DCUN1D4: variants seen among roughly 807,000 people sequenced by gnomAD.
The protein encoded by DCUN1D4 is defective in cullin neddylation 1 domain containing 4, also known as DCN1-like protein 4.
A neutral mutation model predicts 47.9 loss-of-function variants in DCUN1D4; 22 were observed. The ratio of observed to expected loss-of-function variants is 0.46; its 90% CI spans 0.33 to 0.66. DCUN1D4 has a LOEUF of 0.66. Ranked by LOEUF, DCUN1D4 falls within the 30% of genes least tolerant of loss-of-function variation. The pLI is 0.02. For synonymous variants in DCUN1D4, 121 were observed against 112.2 expected, an observed-to-expected ratio of 1.08 and a Z score of -0.50; for missense variants, 301 against 340.8, an observed-to-expected ratio of 0.88 and a Z score of 0.92.
intron 5 of DCUN1D4, among the ~76,000 whole-genome samples, chr4:51,881,619 T>C (rs570370290): frequency 6.7e-6 from 1 of 149,232 alleles, no homozygotes. Context: ...CAGTATCTTG[T>C]CACCTAGGGC....
Position 51,847,576 on chromosome 4 carries a change from C to T in DCUN1D4, c.25+4309C>T, listed in dbSNP as rs115092237. ...GCCATGGCCTTATGTCTGAGACAGC[C>T]TTTCTTACAGTGTTATAATAACCAG... On this transcript the variant is annotated intron_variant, in intron 1 of 10. Coordinates refer to ENST00000334635, the MANE Select transcript of DCUN1D4 (RefSeq NM_001040402.3). Among the ~76,000 whole-genome samples, 590 of 152,018 alleles carry T rather than the reference C, an allele frequency of 3.9e-3. 4 individuals are homozygous for T. The highest frequency in any genetic ancestry group is 0.014 in the African/African-American group (568 of 41,482).
chr4:51,848,973 G>T (rs1722963635), intron 1 of DCUN1D4, among the ~76,000 whole-genome samples: 1 of 151,802 alleles, frequency 6.6e-6, no homozygotes, highest in Non-Finnish European at 1.5e-5. Flanking sequence ...GAAATTTTTT[G>T]CTGGCCTGTA....
chr4:51,860,499 A>G (rs1358002345), intron 1 of DCUN1D4: 1 of 445,030 alleles, frequency 2.2e-6, no homozygotes. Context: ...GAGACTGGGT[A>G]ATTTATAAAA....
Position 51,891,074 on chromosome 4 carries a change from A to G in DCUN1D4, c.415-686A>G, listed in dbSNP as rs374755251. Among the ~76,000 whole-genome samples the G allele has an allele frequency of 8.5e-5, 13 of 152,292 alleles. No homozygotes were observed. In the East Asian group the frequency reaches 2.5e-3, roughly 29 times the overall value. ...TGGAATGTGGGGCTACTTTAAAATA[A>G]TTTCCCACCAGTGTATATAGTGAAT... On this transcript the variant is annotated intron_variant, in intron 6 of 10. Transcript: ENST00000334635.
chr4:51,905,182 T>C (rs1269822008), intron 8 of DCUN1D4: 1 of 454,578 alleles, frequency 2.2e-6, no homozygotes, highest in Non-Finnish European at 4.4e-6. Context: ...CTTGAACTTA[T>C]TTATAGTTCT....
intron 7 of DCUN1D4, among the ~76,000 whole-genome samples, chr4:51,898,925 G>A (rs1731683358): frequency 6.6e-6 from 1 of 152,210 alleles, no homozygotes; most frequent in Admixed American, 6.5e-5. Flanking sequence ...CATTGATACA[G>A]TAGTAAGATT....
chr4:51,894,528 T>C (rs1341598799), intron 7 of DCUN1D4, among the ~76,000 whole-genome samples: 1 of 152,090 alleles, frequency 6.6e-6, no homozygotes, highest in Admixed American at 6.5e-5. Flanking sequence ...TTATAAACAA[T>C]ATTCAGACAA....
chr4:51,887,005 C>A (rs1258506010), intron 6 of DCUN1D4: 2 of 445,470 alleles, frequency 4.5e-6, no homozygotes, highest in Admixed American at 4.9e-5. Flanking sequence ...TAGAGTCAAT[C>A]TAGGACTTAT....
chr4:51,845,942 A>G (rs1032428221), intron 1 of DCUN1D4, among the ~76,000 whole-genome samples: 1 of 152,200 alleles, frequency 6.6e-6, no homozygotes, highest in Non-Finnish European at 1.5e-5. Flanking sequence ...ACTCTTGGTA[A>G]TATAAAAATA....
chr4:51,851,987 C>G (rs928280518), intron 1 of DCUN1D4, among the ~76,000 whole-genome samples: 2 of 152,192 alleles, frequency 1.3e-5, no homozygotes, highest in African/African-American at 4.8e-5. Flanking sequence ...TCATTGAACC[C>G]TGATTGGAAC....
intron 6 of DCUN1D4, among the ~76,000 whole-genome samples, chr4:51,889,232 C>T (rs1730044935): frequency 6.6e-6 from 1 of 152,176 alleles, no homozygotes; most frequent in South Asian, 2.1e-4. Context: ...TAAATAAACT[C>T]TGATGTGCTA....
chr4:51,880,457 A>G (rs1728419599), intron 5 of DCUN1D4, among the ~76,000 whole-genome samples: 1 of 152,054 alleles, frequency 6.6e-6, no homozygotes, highest in Non-Finnish European at 1.5e-5. Context: ...TTTCACATGG[A>G]TGGACCTTCA....
At chr4:51,895,150 C>T (rs1337646255) in intron 7 of DCUN1D4, among the ~76,000 whole-genome samples, 1 of 151,298 alleles carries the variant, frequency 6.6e-6, no homozygotes, top group Non-Finnish European at 1.5e-5. Flanking sequence ...CTACAAATTT[C>T]AGGGGGATAC....
At chr4:51,872,498 T>G (rs1211813001) in intron 3 of DCUN1D4, among the ~76,000 whole-genome samples, 1 of 152,186 alleles carries the variant, frequency 6.6e-6, no homozygotes, top group East Asian at 1.9e-4. Flanking sequence ...GTGCCTTCAC[T>G]CCTTACCTGA....
At chr4:51,911,357 T>C (rs1733691861) in intron 9 of DCUN1D4, among the ~76,000 whole-genome samples, 183 bp downstream of exon 9, 1 of 152,218 alleles carries the variant, frequency 6.6e-6, no homozygotes, top group Non-Finnish European at 1.5e-5. Context: ...TGTATGCGTT[T>C]AATGTTGTGT....
At chr4:51,865,638 G>A (rs1270327179) in intron 3 of DCUN1D4, 4 of 152,176 alleles carry the variant, frequency 2.6e-5, no homozygotes, top group African/African-American at 9.7e-5. Flanking sequence ...TTTTAATTTA[G>A]CATTGGTGAT....
intron 8 of DCUN1D4, among the ~76,000 whole-genome samples, chr4:51,904,213 G>T (rs1427230989): frequency 6.6e-6 from 1 of 152,026 alleles, no homozygotes; most frequent in Non-Finnish European, 1.5e-5. Context: ...GGGATGATTT[G>T]GCCCCACTAC....
chr4:51,847,112 T>C (rs1349173274), intron 1 of DCUN1D4, among the ~76,000 whole-genome samples: 1 of 152,184 alleles, frequency 6.6e-6, no homozygotes. Context: ...ATATGGCCTT[T>C]CGTAGGGTGG....
chr4:51,906,596 T>A (rs968981494), intron 8 of DCUN1D4, among the ~76,000 whole-genome samples: 6 of 152,092 alleles, frequency 3.9e-5, no homozygotes, highest in African/African-American at 1.4e-4. Flanking sequence ...ACACTCTCCC[T>A]CATACTTCAC....
Sources: allele counts gnomAD v4.1 joint callset (sites outside exome capture counted in the v4.1 genomes callset), GRCh38; gene constraint gnomAD v4.1.1; transcripts MANE v1.5; gene names NCBI Gene and HGNC (gene_info 2026-07-23, HGNC 2026-07-21).